Variants in ARL15 observed in about 807,000 individuals in gnomAD.
The protein encoded by ARL15 is ADP-ribosylation factor-like protein 15.
A neutral mutation model predicts 25.2 loss-of-function variants in ARL15; 19 were observed. The observed-to-expected ratio is 0.75, with a 90% CI of 0.53 to 1.10. The LOEUF (loss-of-function observed/expected upper bound fraction) is 1.10. Among genes scored for constraint, ARL15 ranks in the 50% least tolerant of loss-of-function variants. The pLI is 0.00. For missense variants in ARL15, 220 were observed against 246.0 expected (o/e 0.89, Z 0.71); for synonymous variants, 94 against 86.8 (o/e 1.08, Z -0.46).
At chr5:54,131,602 T>C (rs901006960) in intron 3 of ARL15, among the ~76,000 whole-genome samples, 2 of 152,204 alleles carry the variant, frequency 1.3e-5, no homozygotes, top group African/African-American at 4.8e-5. Context: ...TTGTTACTTA[T>C]GTAAAATGTT....
At chr5:54,062,154 G>C (rs924622608) in intron 4 of ARL15, among the ~76,000 whole-genome samples, 2 of 152,184 alleles carry the variant, frequency 1.3e-5, no homozygotes. Context: ...CCCAATGCCT[G>C]TACCCGCATT....
intron 3 of ARL15, among the ~76,000 whole-genome samples, chr5:54,114,420 A>AAAAAAAAAAAAAAAAC (rs1446111250): frequency 4.7e-5 from 7 of 150,130 alleles, no homozygotes; most frequent in Admixed American, 1.3e-4. Context: ...AAAAAAAAAA[A>AAAAAAAAAAAAAAAAC]AAGCAACACC....
chr5:54,292,754 G>T (rs35955), intron 1 of ARL15, among the ~76,000 whole-genome samples: 2 of 151,802 alleles, frequency 1.3e-5, no homozygotes. Flanking sequence ...TTATACTGTC[G>T]TCTCACTCAG....
At chr5:54,142,917 A>T (rs2112315273) in intron 3 of ARL15, among the ~76,000 whole-genome samples, 1 of 152,290 alleles carries the variant, frequency 6.6e-6, no homozygotes, top group East Asian at 1.9e-4. Flanking sequence ...CCTTGGATCC[A>T]TTTTGATTCA....
At chr5:53,995,465 A>C (rs11746856) in intron 4 of ARL15, among the ~76,000 whole-genome samples, 27,797 of 152,072 alleles carry the variant, frequency 0.18, 2,894 homozygotes, top group East Asian at 0.46. Flanking sequence ...ATAAAACAGA[A>C]ATATGTTTTA....
intron 1 of ARL15, among the ~76,000 whole-genome samples, chr5:54,181,421 T>C (rs1366316656): frequency 1.3e-5 from 2 of 152,214 alleles, no homozygotes; most frequent in Admixed American, 1.3e-4. Context: ...GACCATGTAC[T>C]ATTTTTTTCC....
At chr5:54,032,042 T>C (rs717513) in intron 4 of ARL15, among the ~76,000 whole-genome samples, 54,071 of 151,978 alleles carry the variant, frequency 0.36, 11,516 homozygotes, top group Admixed American at 0.47. Context: ...TAACAGAAAA[T>C]ACATTTTCCA....
chr5:54,214,116 AGAAG>A (rs556548888), intron 1 of ARL15, among the ~76,000 whole-genome samples: 19 of 152,094 alleles, frequency 1.2e-4, no homozygotes, highest in Non-Finnish European at 2.6e-4. Context: ...AAAAAAGGAG[AGAAG>A]GAAGGAAGGG....
At chr5:54,120,289 A>T (rs1415446425) in intron 3 of ARL15, among the ~76,000 whole-genome samples, 1 of 152,204 alleles carries the variant, frequency 6.6e-6, no homozygotes, top group Admixed American at 6.5e-5. Context: ...AGCATCTGAT[A>T]TTAAGAATTC....
chr5:54,170,179 A>T (rs1284866884), intron 2 of ARL15, among the ~76,000 whole-genome samples: 1 of 151,984 alleles, frequency 6.6e-6, no homozygotes, highest in Non-Finnish European at 1.5e-5. Flanking sequence ...CACCCTCCAA[A>T]CCCAACTACA....
chr5:53,914,015 C>T (rs1357303730), intron 4 of ARL15, among the ~76,000 whole-genome samples: 2 of 152,062 alleles, frequency 1.3e-5, no homozygotes, highest in Non-Finnish European at 2.9e-5. Flanking sequence ...TGAACATAAA[C>T]TTTTCTTCTT....
chr5:54,239,674 G>A (rs2112572612), intron 1 of ARL15, among the ~76,000 whole-genome samples: 1 of 152,272 alleles, frequency 6.6e-6, no homozygotes, highest in East Asian at 1.9e-4. Context: ...CTTAAAAAAT[G>A]GGGGCATATT....
chr5:54,118,169 AACC>A (rs1212558124), intron 3 of ARL15, among the ~76,000 whole-genome samples: 4 of 152,200 alleles, frequency 2.6e-5, no homozygotes, highest in Non-Finnish European at 5.9e-5. Flanking sequence ...ATTAAGAAAC[AACC>A]ACCTGTTGAA....
rs72754234 is a variant in ARL15, at chr5:54,236,021, G to A, written c.49-64093C>T. On this transcript the variant is annotated intron_variant, in intron 1 of 4. Transcript: ENST00000504924. ...GAGTAACAATAAGAAATTTGATATAGCTATTTGGTTTTTAAATCATTAGAC... is the reference window on the plus strand; with the variant it reads ...GAGTAACAATAAGAAATTTGATATAACTATTTGGTTTTTAAATCATTAGAC... Among the ~76,000 whole-genome samples, 1,482 of 152,226 alleles carry A rather than the reference G, an allele frequency of 9.7e-3. 9 individuals are homozygous for A. Among genetic ancestry groups the A allele is most frequent in the Middle Eastern group, 0.02 (6 of 294 alleles).
intron 4 of ARL15, among the ~76,000 whole-genome samples, chr5:53,913,855 T>C (rs904114655): frequency 2.6e-5 from 4 of 152,170 alleles, no homozygotes; most frequent in African/African-American, 9.7e-5. Context: ...ACTCTAATGG[T>C]ATTTAACCTG....
intron 4 of ARL15, among the ~76,000 whole-genome samples, chr5:54,048,976 T>A (rs1221033686): frequency 2.6e-5 from 4 of 151,960 alleles, no homozygotes; most frequent in Non-Finnish European, 5.9e-5. Flanking sequence ...CCTGAACCCA[T>A]CCTGTGGTTA....
At chr5:54,253,035 G>GT (rs889634040) in intron 1 of ARL15, among the ~76,000 whole-genome samples, 18 of 150,514 alleles carry the variant, frequency 1.2e-4, no homozygotes, top group South Asian at 8.4e-4. Flanking sequence ...CAGAGGTCAA[G>GT]TTTTTTTTTT....
rs117757984 is a variant in ARL15 at position 54,029,045 on chromosome 5, C to G, written c.462+84157G>C. Among the ~76,000 whole-genome samples the G allele has an allele frequency of 6.0e-3, 905 of 151,776 alleles. 41 individuals carry two copies. In the East Asian group the frequency reaches 0.11, roughly 18 times the overall value. ...CTCTGTCTAAAAAAAAAAAAAATTACGAAGAATTCATGGTGTAATTGAGAA... is the reference window on the plus strand; with the variant it reads ...CTCTGTCTAAAAAAAAAAAAAATTAGGAAGAATTCATGGTGTAATTGAGAA... On this transcript the variant is annotated intron_variant, in intron 4 of 4. Coordinates refer to ENST00000504924, the MANE Select transcript of ARL15 (RefSeq NM_019087.3).
intron 4 of ARL15, among the ~76,000 whole-genome samples, chr5:54,080,275 T>G (rs1220818974): frequency 2.0e-5 from 3 of 151,890 alleles, no homozygotes; most frequent in African/African-American, 7.3e-5. Flanking sequence ...AGGTGAAGAG[T>G]TGAAAGGATT....
Sources: allele counts gnomAD v4.1 joint callset (sites outside exome capture counted in the v4.1 genomes callset), GRCh38; gene constraint gnomAD v4.1.1; transcripts MANE v1.5; gene names NCBI Gene and HGNC (gene_info 2026-07-23, HGNC 2026-07-21).